The following NMNAT3 variants were observed in gnomAD, a reference collection of about 807,000 sequenced individuals.
NMNAT3 encodes the protein nicotinamide nucleotide adenylyltransferase 3.
NMNAT3 carries 21 observed loss-of-function variants against 24.8 expected under a neutral mutation model. The observed-to-expected ratio is 0.85, with a 90% CI of 0.60 to 1.22. The LOEUF (loss-of-function observed/expected upper bound fraction) is 1.22. Ranked by LOEUF, NMNAT3 falls within the 50% of genes most tolerant of loss-of-function variation. The pLI is 0.00. For missense variants in NMNAT3, 387 were observed against 436.6 expected, an observed-to-expected ratio of 0.89 and a Z score of 1.01; for synonymous variants, 136 against 155.2, an observed-to-expected ratio of 0.88 and a Z score of 0.92.
intron 3 of NMNAT3, among the ~76,000 whole-genome samples, chr3:139,617,186 T>C (rs1042647322): frequency 6.6e-6 from 1 of 152,148 alleles, no homozygotes; most frequent in Non-Finnish European, 1.5e-5. Context: ...AGCGTCCCCC[T>C]GAGTGGCATA....
chr3:139,650,332 C>A (rs1261550379), intron 1 of NMNAT3, among the ~76,000 whole-genome samples: 4 of 152,142 alleles, frequency 2.6e-5, no homozygotes, highest in Non-Finnish European at 5.9e-5. Flanking sequence ...GATACTGTTA[C>A]AAAAATACAT....
intron 1 of NMNAT3, chr3:139,672,543 T>C (rs1456829024): frequency 6.6e-6 from 1 of 152,248 alleles, no homozygotes; most frequent in Non-Finnish European, 1.5e-5. Flanking sequence ...AATCCTATTA[T>C]AGCTGTACCT....
chr3:139,571,967 C>G (rs1938443899), intron 6 of NMNAT3: 2 of 395,202 alleles, frequency 5.1e-6, no homozygotes, highest in Non-Finnish European at 8.9e-6. Flanking sequence ...CACACTTATG[C>G]TATCTCCTGC....
intron 3 of NMNAT3, among the ~76,000 whole-genome samples, chr3:139,602,436 G>GA (rs1222757718): frequency 1.3e-5 from 2 of 152,200 alleles, no homozygotes; most frequent in African/African-American, 2.4e-5. Context: ...TGGGTAGAAT[G>GA]AACAGGATAG....
chr3:139,565,680 A>G (rs1252030450), intron 6 of NMNAT3: 1 of 152,204 alleles, frequency 6.6e-6, no homozygotes, highest in Admixed American at 6.5e-5. Flanking sequence ...TGTCCCTACA[A>G]AGGACATGAA....
At chr3:139,602,946 A>C (rs1055450717) in intron 3 of NMNAT3, among the ~76,000 whole-genome samples, 2 of 152,226 alleles carry the variant, frequency 1.3e-5, no homozygotes, top group Non-Finnish European at 2.9e-5. Flanking sequence ...AATAACCTAA[A>C]GTTGCCCATT....
intron 2 of NMNAT3, among the ~76,000 whole-genome samples, chr3:139,631,139 G>A (rs1404206272): frequency 6.6e-6 from 1 of 151,942 alleles, no homozygotes; most frequent in Non-Finnish European, 1.5e-5. Flanking sequence ...TTTGCTGTGG[G>A]CATACTGAGC....
chr3:139,600,117 A>G (rs960650598), intron 3 of NMNAT3, among the ~76,000 whole-genome samples: 2 of 152,190 alleles, frequency 1.3e-5, no homozygotes. Flanking sequence ...CTCTTCCTGC[A>G]CACTATAAAG....
chr3:139,653,849 C>T (rs1196602488), intron 1 of NMNAT3, among the ~76,000 whole-genome samples: 1 of 152,200 alleles, frequency 6.6e-6, no homozygotes, highest in East Asian at 1.9e-4. Context: ...TGGGGCGTGG[C>T]AGCATTTCAG....
chr3:139,629,625 C>T (rs192476915), intron 2 of NMNAT3, among the ~76,000 whole-genome samples: 2 of 152,284 alleles, frequency 1.3e-5, no homozygotes, highest in Admixed American at 6.5e-5. Context: ...ATGTAGAGTG[C>T]TCAGTCACAG....
At chr3:139,575,497 G>T in intron 5 of NMNAT3, 1 of 729,924 alleles carries the variant, frequency 1.4e-6, no homozygotes. Context: ...TCTTGGAGTT[G>T]CTGAGCTTAC....
At chr3:139,664,592 G>A (rs1484745752) in intron 1 of NMNAT3, among the ~76,000 whole-genome samples, 1 of 152,140 alleles carries the variant, frequency 6.6e-6, no homozygotes, top group Non-Finnish European at 1.5e-5. Context: ...GACGGAGAAG[G>A]TGAGATTCCT....
At position 139,599,131 on chromosome 3, in the gene NMNAT3, A is replaced by G. The variant is rs539452121; in HGVS notation, c.110-15923T>C. ...TAGCATTCCAAACTGTAAAGACTTC[A>G]TTATTTCCACAGAGAATGGCTTGGC... On this transcript the variant is annotated intron_variant, in intron 3 of 6. Coordinates refer to ENST00000643695, the MANE Select transcript of NMNAT3 (RefSeq NM_001320510.2). 5.3e-6 allele frequency: 3 copies of G among 565,806 alleles called. No homozygotes were observed. In the African/African-American group the frequency reaches 5.6e-5, roughly 11 times the overall value. The allele number at this position is 565,806 out of a possible 1,614,324, so 35.0% of individuals were successfully genotyped here.
chr3:139,563,087 A>T (rs1232774664), intron 6 of NMNAT3, among the ~76,000 whole-genome samples: 36 of 152,198 alleles, frequency 2.4e-4, no homozygotes, highest in Non-Finnish European at 4.4e-5. Flanking sequence ...CACTCTATTC[A>T]TAGAAACACC....
intron 3 of NMNAT3, among the ~76,000 whole-genome samples, chr3:139,615,475 C>T (rs1487726101): frequency 1.3e-5 from 2 of 150,378 alleles, no homozygotes; most frequent in Non-Finnish European, 3.0e-5. Context: ...ATCCACCCAC[C>T]CATCCATCCA....
intron 3 of NMNAT3, among the ~76,000 whole-genome samples, chr3:139,610,800 A>T (rs73869363): frequency 3.1e-4 from 47 of 152,324 alleles, no homozygotes; most frequent in African/African-American, 1.0e-3. Context: ...TATGCATTTA[A>T]TTCTCTCCAT....
At chr3:139,665,136 C>T (rs2057535904) in intron 1 of NMNAT3, among the ~76,000 whole-genome samples, 1 of 152,150 alleles carries the variant, frequency 6.6e-6, no homozygotes, top group Non-Finnish European at 1.5e-5. Flanking sequence ...CTGGGAGACT[C>T]TACAGAAACT....
intron 3 of NMNAT3, among the ~76,000 whole-genome samples, chr3:139,617,184 CCT>C (rs1465983403): frequency 6.6e-6 from 1 of 152,084 alleles, no homozygotes; most frequent in Non-Finnish European, 1.5e-5. Flanking sequence ...GGAGCGTCCC[CCT>C]GAGTGGCATA....
intron 6 of NMNAT3, chr3:139,570,699 T>C (rs187209567): frequency 0.017 from 2,552 of 152,752 alleles, 65 homozygotes; most frequent in African/African-American, 0.059. Flanking sequence ...ATCGTTCCTC[T>C]GGAAGTTTTG....
Sources: gnomAD v4.1 joint callset for allele counts (sites outside exome capture counted in the v4.1 genomes callset) on GRCh38, gnomAD v4.1.1 for gene constraint, MANE v1.5 for transcripts, NCBI Gene and HGNC (gene_info 2026-07-23, HGNC 2026-07-21) for gene names.